The following PRDM16 variants were observed in gnomAD, a reference collection of about 807,000 sequenced individuals.
The protein encoded by PRDM16 is PR/SET domain 16, also known as histone-lysine N-methyltransferase PRDM16.
In PRDM16, 23 loss-of-function variants were observed where a neutral mutation model predicts 110.6. The observed-to-expected ratio is 0.21, with a 90% CI of 0.15 to 0.29. The LOEUF is 0.29. PRDM16 is among the 10% of genes least tolerant of loss of function. The pLI is 1.00. For synonymous variants in PRDM16, 799 were observed against 781.8 expected (o/e 1.02, Z -0.37); for missense variants, 1,615 against 1,794.3 (o/e 0.90, Z 1.81).
intron 3 of PRDM16, among the ~76,000 whole-genome samples, chr1:3,269,649 A>G (rs758330469): frequency 2.9e-5 from 3 of 102,160 alleles, no homozygotes; most frequent in African/African-American, 6.7e-5. Context: ...CCGGAGGAGG[A>G]CAGTTGGGAG....
In PRDM16 at chr1:3,382,050, C is replaced by T. The variant is rs1011450422; in HGVS notation, c.439-3102C>T. Among the ~76,000 whole-genome samples the T allele has an allele frequency of 6.6e-6, 1 of 152,242 alleles. No individual in the cohort carries two copies. The highest frequency in any genetic ancestry group is 1.5e-5 in the Non-Finnish European group (1 of 68,040). On this transcript the variant is annotated intron_variant, in intron 3 of 16. Transcript: ENST00000270722. This position sits in a 1 kb window ranked among gnomAD's most constrained non-coding sequence, Gnocchi z 6.6. ...CAGAGGAAGATGGCAGGGCTGCCGA[C>T]CACAGCTCTGGCTTGGCGGGCCTTT...
intron 2 of PRDM16, among the ~76,000 whole-genome samples, chr1:3,188,211 G>A (rs1644294516): frequency 6.6e-6 from 1 of 152,208 alleles, no homozygotes; most frequent in Admixed American, 6.5e-5. Flanking sequence ...TGTGTGGGAG[G>A]GGAATTCAAG....
intron 3 of PRDM16, among the ~76,000 whole-genome samples, chr1:3,266,269 A>T (rs896954481): frequency 6.6e-6 from 1 of 152,176 alleles, no homozygotes; most frequent in Non-Finnish European, 1.5e-5. Flanking sequence ...GTAAACTTCC[A>T]CGGATCGGGC....
At chr1:3,420,792 G>T (rs77909219) in intron 12 of PRDM16, among the ~76,000 whole-genome samples, 3,791 of 152,250 alleles carry the variant, frequency 0.025, 152 homozygotes, top group African/African-American at 0.084. Flanking sequence ...ATTTGGGTTG[G>T]AGAAGCATGA....
At chr1:3,152,743 G>T (rs535763329) in intron 1 of PRDM16, among the ~76,000 whole-genome samples, 14 of 152,294 alleles carry the variant, frequency 9.2e-5, no homozygotes, top group African/African-American at 3.4e-4. Flanking sequence ...CCTGGGGAGG[G>T]CTGCATGGAC....
chr1:3,195,246 G>A (rs796558058), intron 2 of PRDM16, among the ~76,000 whole-genome samples: 4 of 152,192 alleles, frequency 2.6e-5, no homozygotes, highest in Admixed American at 1.3e-4. Context: ...CACAGCACAG[G>A]CTTCCCATGT....
intron 6 of PRDM16, among the ~76,000 whole-genome samples, chr1:3,403,291 C>A (rs1055208896): frequency 6.6e-6 from 1 of 152,200 alleles, no homozygotes. Flanking sequence ...GGCTCATGGC[C>A]CTGCCTGCCA....
At position 3,410,060 on chromosome 1, in the gene PRDM16, GTGGTT is replaced by G. The variant is rs1417165280; in HGVS notation, c.1187-1323_1187-1319del. 2.8e-3 allele frequency among the ~76,000 whole-genome samples: 402 copies of G among 146,108 alleles called. 2 individuals are homozygous for G. Among genetic ancestry groups the G allele is most frequent in the Middle Eastern group, 0.012 (3 of 252 alleles). ...GATTGTGTGTGTACGAATGTGGTGT[GTGGTT>G]GTGTATGTGCATGTGTATGAATGTG... On this transcript the variant is annotated intron_variant, in intron 8 of 16. Transcript: ENST00000270722.
Position 3,208,239 on chromosome 1 carries a change from C to T in PRDM16, c.387+21765C>T, listed in dbSNP as rs532477397. 1.3e-5 allele frequency: 2 copies of T among 152,340 alleles called. No homozygotes were observed. Among genetic ancestry groups the T allele is most frequent in the African/African-American group, 4.8e-5 (2 of 41,560 alleles). 9.4% of individuals were successfully genotyped at this position (152,340 alleles called of 1,614,324 possible). A position where few individuals can be genotyped will look rare whatever the true frequency, so the allele number is the denominator to read the frequency against. On this transcript the variant is annotated intron_variant, in intron 2 of 16. Transcript: ENST00000270722. This position sits in a 1 kb window ranked among gnomAD's most constrained non-coding sequence, Gnocchi z 6.1. ...CCCTGACAAGGGGACCTCTTCTTCC[C>T]GGGATCTTGTTCCGACCTTTGCTTA...
chr1:3,260,067 C>T (rs948944972), intron 3 of PRDM16, among the ~76,000 whole-genome samples: 15 of 152,336 alleles, frequency 9.8e-5, no homozygotes, highest in East Asian at 3.9e-4. Flanking sequence ...ATCTCCCCTG[C>T]GGTGTACCCC....
intron 1 of PRDM16, among the ~76,000 whole-genome samples, chr1:3,098,797 C>T (rs572858038): frequency 6.2e-4 from 95 of 152,356 alleles, no homozygotes; most frequent in African/African-American, 2.2e-3. Context: ...CCCTGCAGAG[C>T]TGGCTGCCTC....
chr1:3,193,253 G>A (rs113086363), intron 2 of PRDM16, among the ~76,000 whole-genome samples: 2 of 152,198 alleles, frequency 1.3e-5, no homozygotes, highest in East Asian at 1.9e-4. Flanking sequence ...TGCCCGTCCC[G>A]CCTCCAGGGC....
chr1:3,389,741 G>A (rs1643265675), intron 4 of PRDM16, among the ~76,000 whole-genome samples: 3 of 152,358 alleles, frequency 2.0e-5, no homozygotes, highest in African/African-American at 4.8e-5. Flanking sequence ...GGCTCTCTGG[G>A]GAGCTGCTGG....
intron 12 of PRDM16, among the ~76,000 whole-genome samples, chr1:3,424,195 A>G (rs2483235): frequency 0.88 from 134,302 of 152,272 alleles, 59,589 homozygotes; most frequent in Non-Finnish European, 0.93. Flanking sequence ...TCCTTAGCTC[A>G]TCCCCAGCTC....
At chr1:3,161,921 G>A (rs1446286188) in intron 1 of PRDM16, among the ~76,000 whole-genome samples, 1 of 152,218 alleles carries the variant, frequency 6.6e-6, no homozygotes, top group Non-Finnish European at 1.5e-5. Flanking sequence ...GATTGGGTTT[G>A]GAGTCGCTTC....
At chr1:3,184,020 C>T (rs1644240302) in intron 1 of PRDM16, among the ~76,000 whole-genome samples, 1 of 152,184 alleles carries the variant, frequency 6.6e-6, no homozygotes, top group South Asian at 2.1e-4. Flanking sequence ...TACCTTTCTG[C>T]TGCACACGGT....
chr1:3,209,360 G>A lies in PRDM16; in HGVS notation c.387+22886G>A, dbSNP rs1458824658. On this transcript the variant is annotated intron_variant, in intron 2 of 16. Coordinates refer to ENST00000270722, the MANE Select transcript of PRDM16 (RefSeq NM_022114.4). The surrounding 1 kb of genome is among the most constrained non-coding windows in gnomAD (Gnocchi z 4.6). ...CGGGGCACGCAGCTCCGACGTGGCC[G>A]GTCCCGACTGGCACACCTGCCCCGA... 6.6e-6 allele frequency among the ~76,000 whole-genome samples: 1 copy of A among 152,160 alleles called. No homozygotes were observed. The highest frequency in any genetic ancestry group is 1.5e-5 in the Non-Finnish European group (1 of 68,026).
chr1:3,324,883 C>G (rs990647083), intron 3 of PRDM16, among the ~76,000 whole-genome samples: 2 of 152,186 alleles, frequency 1.3e-5, no homozygotes, highest in Admixed American at 1.3e-4. Flanking sequence ...GAACCCTGCC[C>G]TGGGCCAGAG....
At chr1:3,356,328 A>G (rs1303663831) in intron 3 of PRDM16, among the ~76,000 whole-genome samples, 1 of 151,916 alleles carries the variant, frequency 6.6e-6, no homozygotes. Context: ...CAGGGCGGCC[A>G]CTCTGGCCTG....
Sources: gnomAD v4.1 joint callset for allele counts (sites outside exome capture counted in the v4.1 genomes callset) on GRCh38, gnomAD v4.1.1 for gene constraint, Gnocchi (gnomAD v3.1) non-coding constraint, MANE v1.5 for transcripts, NCBI Gene and HGNC (gene_info 2026-07-23, HGNC 2026-07-21) for gene names.